PGM3: variants seen among roughly 807,000 people sequenced by gnomAD.
PGM3 encodes phosphoacetylglucosamine mutase.
Under a neutral mutation model 66.2 loss-of-function variants are expected in PGM3, and 40 were observed. The observed-to-expected ratio is 0.60, with a 90% CI of 0.47 to 0.79. The LOEUF (loss-of-function observed/expected upper bound fraction) is 0.79. Ranked by LOEUF, PGM3 falls within the 30% of genes least tolerant of loss-of-function variation. PGM3 has a pLI of 0.00. For synonymous variants in PGM3, 191 were observed against 224.2 expected (o/e 0.85, Z 1.32); for missense variants, 537 against 643.4 (o/e 0.83, Z 1.79).
chr6:83,153,268 T>C, the PGM3 span: 1 of 275,606 alleles, frequency 3.6e-6, no homozygotes, highest in Non-Finnish European at 6.6e-6. Flanking sequence ...CTCTTTTCTT[T>C]TTTGTACTTC....
Position 83,166,547 on chromosome 6 carries a change from TAA to T in PGM3, c.*2685_*2686del, listed in dbSNP as rs926697577. ...AGTCTAAAATAAATATAAACAGCAA[TAA>T]GTCATTAGCAAAAAAAAAGTGAGAA... On this transcript the variant is annotated 3_prime_UTR_variant, in exon 13 of 13. Transcript: ENST00000513973. The T allele has an allele frequency of 1.6e-5, 10 of 639,662 alleles. No homozygotes were observed. Among genetic ancestry groups the T allele is most frequent in the African/African-American group, 1.3e-4 (7 of 55,060 alleles). 39.6% of individuals were successfully genotyped at this position (639,662 alleles called of 1,614,324 possible).
At chr6:83,181,435 C>T (rs1788168612) in intron 6 of PGM3, among the ~76,000 whole-genome samples, 1 of 152,188 alleles carries the variant, frequency 6.6e-6, no homozygotes, top group East Asian at 1.9e-4. Flanking sequence ...TGTGTGCTAA[C>T]AAGCCCTCAA....
intron 6 of PGM3, among the ~76,000 whole-genome samples, chr6:83,180,494 T>A (rs541577063): frequency 2.0e-5 from 3 of 152,320 alleles, no homozygotes; most frequent in African/African-American, 4.8e-5. Flanking sequence ...AATTGTCACA[T>A]CAAATTTATT....
the PGM3 span, chr6:83,152,214 A>G: frequency 4.6e-6 from 2 of 432,922 alleles, no homozygotes; most frequent in African/African-American, 3.7e-5. Context: ...AAAATAATAC[A>G]CACACACACA....
At chr6:83,191,336 T>C (rs542457534) in intron 1 of PGM3, 9 of 988,916 alleles carry the variant, frequency 9.1e-6, no homozygotes, top group Middle Eastern at 4.1e-4. Context: ...AAAATGAAGA[T>C]TTTACACCTA....
intron 4 of PGM3, among the ~76,000 whole-genome samples, chr6:83,183,625 A>G (rs182243539): frequency 9.3e-4 from 141 of 152,292 alleles, no homozygotes; most frequent in Middle Eastern, 3.4e-3. Context: ...TGAGCAGGGA[A>G]GACGGGAAAA....
chr6:83,158,440 TA>T, downstream of PGM3: 3 of 764,900 alleles, frequency 3.9e-6, no homozygotes, highest in Admixed American at 8.6e-5. Flanking sequence ...AAACTAAGTA[TA>T]ATTTAAAAGA....
intron 2 of PGM3, 101 bp from the exon 3 acceptor site, chr6:83,188,899 G>T: frequency 2.3e-6 from 2 of 851,704 alleles, no homozygotes; most frequent in Non-Finnish European, 1.9e-6. Flanking sequence ...GACAGTGATG[G>T]CTGAGCAGCT....
intron 2 of PGM3, among the ~76,000 whole-genome samples, chr6:83,189,677 GGCCTA>G (rs1347856959): frequency 6.6e-6 from 1 of 152,112 alleles, no homozygotes; most frequent in Non-Finnish European, 1.5e-5. Context: ...CTGTATTAAT[GGCCTA>G]TAGCTAATAA....
Position 83,168,168 on chromosome 6 carries a change from G to GCAC in PGM3, c.*1063_*1065dup. ...TCTGGAAGGGATGATAAAAACTTGA[G>GCAC]CACCATTGCTGGTTCCATTTAGCTT... On this transcript the variant is annotated 3_prime_UTR_variant, in exon 13 of 13. Coordinates refer to ENST00000513973, the MANE Select transcript of PGM3 (RefSeq NM_015599.3). 6.2e-7 allele frequency: 1 copy of GCAC among 1,610,786 alleles called. No individual in the cohort carries two copies. Among genetic ancestry groups the GCAC allele is most frequent in the South Asian group, 1.1e-5 (1 of 90,572 alleles).
intron 8 of PGM3, among the ~76,000 whole-genome samples, chr6:83,176,611 G>C (rs1787790441): frequency 6.6e-6 from 1 of 152,218 alleles, no homozygotes; most frequent in African/African-American, 2.4e-5. Flanking sequence ...ATCCCAGTAA[G>C]AAATAGTGGC....
At chr6:83,150,876 G>A in the PGM3 span, among the ~76,000 whole-genome samples, 1 of 152,016 alleles carries the variant, frequency 6.6e-6, no homozygotes, top group Non-Finnish European at 1.5e-5. Flanking sequence ...CAAATGCAAA[G>A]TTTGTAAAAA....
chr6:83,184,289 A>C (rs778572907), intron 4 of PGM3, among the ~76,000 whole-genome samples: 9 of 152,194 alleles, frequency 5.9e-5, no homozygotes, highest in Non-Finnish European at 1.3e-4. Flanking sequence ...TTGGACCTGA[A>C]CCTCAAACAC....
chr6:83,176,714 G>A (rs1372692462), intron 8 of PGM3, among the ~76,000 whole-genome samples: 1 of 152,184 alleles, frequency 6.6e-6, no homozygotes, highest in Non-Finnish European at 1.5e-5. Context: ...TAGAAAAACT[G>A]CAAAAGAAAG....
chr6:83,178,727 T>A lies in PGM3; in HGVS notation c.975A>T (p.Val325=), dbSNP rs1462718508. ...EIGESLNIGV[V]QTAYANGSST... The stretch of plus-strand genomic sequence containing the variant: ...AACTTCCATTTGCATATGCAGTTTG[T>A]ACAACACCAATATTCAAACTTTCTC... The change falls in exon 8 of 13, where the codon GTA becomes GTT. Residue 325 remains valine, a synonymous_variant. Coordinates refer to ENST00000513973, the MANE Select transcript of PGM3 (RefSeq NM_015599.3). 6.3e-7 allele frequency: 1 copy of A among 1,598,182 alleles called. No individual in the cohort carries two copies. The highest frequency in any genetic ancestry group is 2.2e-5 in the East Asian group (1 of 44,732).
the PGM3 span, among the ~76,000 whole-genome samples, chr6:83,150,173 A>G: frequency 6.6e-6 from 1 of 152,170 alleles, no homozygotes; most frequent in Non-Finnish European, 1.5e-5. Context: ...CCAGAGTTTG[A>G]GACCAGCCTA....
chr6:83,179,502 T>C (rs942276325), intron 7 of PGM3, among the ~76,000 whole-genome samples: 7 of 152,082 alleles, frequency 4.6e-5, no homozygotes, highest in African/African-American at 9.7e-5. Context: ...CCTATTAGAA[T>C]TTAGGGCTTT....
intron 7 of PGM3, 145 bp downstream of exon 7, chr6:83,179,665 A>C: frequency 1.7e-6 from 1 of 574,780 alleles, no homozygotes; most frequent in Non-Finnish European, 3.0e-6. Context: ...ATGACTGGGT[A>C]TTACCACTGC....
At chr6:83,172,315 T>C (rs1394237790) in intron 10 of PGM3, among the ~76,000 whole-genome samples, 1 of 152,000 alleles carries the variant, frequency 6.6e-6, no homozygotes, top group Non-Finnish European at 1.5e-5. Flanking sequence ...GATGGGATGA[T>C]TACTTGAAGC....
Sources: gnomAD v4.1 joint callset for allele counts (sites outside exome capture counted in the v4.1 genomes callset) on GRCh38, gnomAD v4.1.1 for gene constraint, MANE v1.5 for transcripts, NCBI Gene and HGNC (gene_info 2026-07-23, HGNC 2026-07-21) for gene names.